DLG2: variants seen among roughly 807,000 people sequenced by gnomAD.
The protein encoded by DLG2 is discs large MAGUK scaffold protein 2.
Under a neutral mutation model 132.5 loss-of-function variants are expected in DLG2, and 45 were observed. That is an observed-to-expected ratio of 0.34 (90% CI 0.27 to 0.44). The LOEUF (loss-of-function observed/expected upper bound fraction) is 0.44, where lower values mean the gene tolerates loss of function less well. Among genes scored for constraint, DLG2 ranks in the 20% least tolerant of loss-of-function variants. The pLI is 1.00. For synonymous variants in DLG2, 424 were observed against 419.6 expected (o/e 1.01, Z -0.13); for missense variants, 1,045 against 1,196.9 (o/e 0.87, Z 1.87).
rs186404399 is a variant in DLG2, at chr11:84,161,790, C to T, written c.624+1671G>A. Among the ~76,000 whole-genome samples, 9 of 152,262 alleles carry T rather than the reference C, an allele frequency of 5.9e-5. No homozygotes were observed. The South Asian group carries it at 1.9e-3, about 32-fold the overall frequency. On this transcript the variant is annotated intron_variant, in intron 9 of 27. Transcript: ENST00000376104. ...GGCCCCACGTTTTCATGTTGTACTGCACTCCATAAATCATATAGCTTGTCT... is the reference window on the plus strand; with the variant it reads ...GGCCCCACGTTTTCATGTTGTACTGTACTCCATAAATCATATAGCTTGTCT...
At chr11:84,127,042 T>C (rs190968760) in intron 9 of DLG2, among the ~76,000 whole-genome samples, 34 of 152,328 alleles carry the variant, frequency 2.2e-4, no homozygotes, top group African/African-American at 8.2e-4. Flanking sequence ...CAATGCCATA[T>C]TCGTCAAGCT....
At chr11:85,167,206 T>G in intron 4 of DLG2, among the ~76,000 whole-genome samples, 1 of 152,146 alleles carries the variant, frequency 6.6e-6, no homozygotes, top group Non-Finnish European at 1.5e-5. Context: ...CTTCCCATCC[T>G]CTAAGAATGT....
intron 3 of DLG2, among the ~76,000 whole-genome samples, chr11:85,458,235 C>CT (rs2153052587): frequency 6.6e-6 from 1 of 152,238 alleles, no homozygotes; most frequent in African/African-American, 2.4e-5. Flanking sequence ...CCTGTTAACA[C>CT]TTGTGATTGC....
chr11:84,911,754 AT>A (rs985078305), intron 6 of DLG2, among the ~76,000 whole-genome samples: 1 of 152,192 alleles, frequency 6.6e-6, no homozygotes, highest in Non-Finnish European at 1.5e-5. Context: ...TTCCTCCATT[AT>A]TCTGTAATTA....
intron 6 of DLG2, among the ~76,000 whole-genome samples, chr11:84,933,581 C>G (rs2048346306): frequency 6.6e-6 from 1 of 152,116 alleles, no homozygotes; most frequent in African/African-American, 2.4e-5. Flanking sequence ...TTTCACCTCT[C>G]TAGTTAGCTG....
At chr11:85,538,904 G>A (rs2075784221) in intron 3 of DLG2, among the ~76,000 whole-genome samples, 1 of 151,730 alleles carries the variant, frequency 6.6e-6, no homozygotes, top group Non-Finnish European at 1.5e-5. Flanking sequence ...TAATACCTAG[G>A]TGATGGGTTG....
At chr11:85,354,876 T>C (rs1439512704) in intron 3 of DLG2, among the ~76,000 whole-genome samples, 1 of 151,978 alleles carries the variant, frequency 6.6e-6, no homozygotes, top group African/African-American at 2.4e-5. Context: ...CAGAAGACAC[T>C]ACAAAAGTGA....
chr11:84,994,777 A>C (rs949082159), intron 6 of DLG2, among the ~76,000 whole-genome samples: 1 of 152,116 alleles, frequency 6.6e-6, no homozygotes, highest in Non-Finnish European at 1.5e-5. Context: ...CATCCATAGA[A>C]TAATTTACAG....
At chr11:85,430,370 AAG>A (rs1565482222) in intron 3 of DLG2, among the ~76,000 whole-genome samples, 1 of 147,902 alleles carries the variant, frequency 6.8e-6, no homozygotes, top group African/African-American at 2.7e-5. Flanking sequence ...AAGAAAAAGA[AAG>A]AAAAAAATTT....
intron 8 of DLG2, among the ~76,000 whole-genome samples, chr11:84,217,640 T>C (rs1460613263): frequency 6.6e-6 from 1 of 152,170 alleles, no homozygotes; most frequent in African/African-American, 2.4e-5. Context: ...GGAGAAGGGA[T>C]TATGTGGTCA....
chr11:83,900,841 G>C (rs1407820677), intron 15 of DLG2, among the ~76,000 whole-genome samples: 1 of 152,156 alleles, frequency 6.6e-6, no homozygotes, highest in Non-Finnish European at 1.5e-5. Flanking sequence ...CAGAATGGTA[G>C]ATCCACTGAC....
At chr11:85,460,116 A>G (rs59229437) in intron 3 of DLG2, among the ~76,000 whole-genome samples, 5,502 of 152,250 alleles carry the variant, frequency 0.036, 318 homozygotes, top group African/African-American at 0.12. Context: ...GGAGACCCAG[A>G]CCACTGGGCC....
chr11:85,126,458 T>C (rs2075125406), intron 5 of DLG2, among the ~76,000 whole-genome samples: 1 of 152,182 alleles, frequency 6.6e-6, no homozygotes, highest in Non-Finnish European at 1.5e-5. Flanking sequence ...GCATTAGTAT[T>C]TCATATGTCT....
chr11:85,135,949 A>G (rs2076114075), intron 5 of DLG2, among the ~76,000 whole-genome samples: 1 of 152,214 alleles, frequency 6.6e-6, no homozygotes, highest in African/African-American at 2.4e-5. Flanking sequence ...AGTGAGGGAA[A>G]GCTTTCTGGA....
At chr11:85,048,107 T>C (rs2062532131) in intron 6 of DLG2, among the ~76,000 whole-genome samples, 1 of 151,962 alleles carries the variant, frequency 6.6e-6, no homozygotes, top group Admixed American at 6.6e-5. Context: ...CAATACCTTT[T>C]TTTGACCTTC....
chr11:85,339,571 C>T (rs2082349186), intron 3 of DLG2, among the ~76,000 whole-genome samples: 1 of 152,198 alleles, frequency 6.6e-6, no homozygotes, highest in Admixed American at 6.5e-5. Flanking sequence ...GTGCTATTTA[C>T]ATTTGTATTT....
chr11:84,756,189 C>T (rs1172094155), intron 6 of DLG2, among the ~76,000 whole-genome samples: 1 of 152,056 alleles, frequency 6.6e-6, no homozygotes, highest in African/African-American at 2.4e-5. Flanking sequence ...TTAAAGAATA[C>T]TTTTTTATGC....
chr11:85,451,978 T>TA (rs1565509376), intron 3 of DLG2, among the ~76,000 whole-genome samples: 1 of 152,174 alleles, frequency 6.6e-6, no homozygotes, highest in Non-Finnish European at 1.5e-5. Context: ...TTCTTTTTTT[T>TA]ATTTCAGTAT....
intron 4 of DLG2, among the ~76,000 whole-genome samples, chr11:85,220,514 G>C (rs1439698845): frequency 6.6e-6 from 1 of 151,910 alleles, no homozygotes; most frequent in African/African-American, 2.4e-5. Context: ...ACAGAGATCA[G>C]GATGTTCTTC....
Sources: gnomAD v4.1 joint callset for allele counts (sites outside exome capture counted in the v4.1 genomes callset) on GRCh38, gnomAD v4.1.1 for gene constraint, MANE v1.5 for transcripts, NCBI Gene and HGNC (gene_info 2026-07-23, HGNC 2026-07-21) for gene names.